The following ZC4H2 variants were observed in gnomAD, a reference collection of about 807,000 sequenced individuals.
ZC4H2 encodes zinc finger C4H2 domain-containing protein.
For missense variants in ZC4H2, 137 were observed against 173.9 expected (o/e 0.79, Z 1.19); for synonymous variants, 84 against 66.3 (o/e 1.27, Z -1.30).
At chrX:65,034,086 CAAA>C (rs768065058) in intron 1 of ZC4H2, among the ~76,000 whole-genome samples, 5 of 45,178 alleles carry the variant, frequency 1.1e-4, no homozygotes, top group African/African-American at 1.3e-4. Context: ...AAGACTTTGT[CAAA>C]AAAAAAAAAA....
chrX:64,934,039 C>T (rs778871009), intron 1 of ZC4H2, among the ~76,000 whole-genome samples: 1 of 111,889 alleles, frequency 8.9e-6, no homozygotes, highest in East Asian at 2.8e-4. Flanking sequence ...CTATCCAACT[C>T]ACAGCCTCAA....
At chrX:64,932,840 G>C (rs1047786764) in intron 1 of ZC4H2, among the ~76,000 whole-genome samples, 1 of 111,081 alleles carries the variant, frequency 9.0e-6, no homozygotes, top group African/African-American at 3.3e-5. Context: ...GTGCCTTAAT[G>C]ATGATTGTTT....
At chrX:64,951,653 T>C (rs1382206124) in intron 1 of ZC4H2, among the ~76,000 whole-genome samples, 2 of 111,622 alleles carry the variant, frequency 1.8e-5, no homozygotes, top group Admixed American at 9.5e-5. Flanking sequence ...GGGTTGTTTG[T>C]TTTTTCTTGT....
intron 1 of ZC4H2, among the ~76,000 whole-genome samples, chrX:65,033,123 C>G (rs1932957209): frequency 8.9e-6 from 1 of 111,941 alleles, no homozygotes; most frequent in African/African-American, 3.2e-5. Flanking sequence ...TCTTAAAGTT[C>G]TTACACATGG....
intron 1 of ZC4H2, among the ~76,000 whole-genome samples, chrX:65,003,647 A>G (rs1309089562): frequency 1.8e-5 from 2 of 110,766 alleles, no homozygotes; most frequent in Admixed American, 1.9e-4. Flanking sequence ...GGAGGCTGAA[A>G]TGGGCGAATC....
At chrX:64,979,571 G>A (rs1405011885), upstream of ZC4H2, among the ~76,000 whole-genome samples, 1 of 112,000 alleles carries the variant, frequency 8.9e-6, no homozygotes, top group Non-Finnish European at 1.9e-5. Flanking sequence ...GTGAGAGGAA[G>A]GAAAATGTTG....
chrX:64,970,968 G>GT (rs1569220293), intron 1 of ZC4H2, among the ~76,000 whole-genome samples: 1 of 111,901 alleles, frequency 8.9e-6, no homozygotes, highest in Non-Finnish European at 1.9e-5. Flanking sequence ...AAGAAATGAC[G>GT]TAAGTGAGAA....
In ZC4H2 at chrX:64,976,439, T is replaced by A; in HGVS notation, c.-62A>T. ...CAAATACACCAGCCAAGGGATACAA[T>A]AGACACAATGTAGCCACCTCCTCCG... On this transcript the variant is annotated 5_prime_UTR_variant, in exon 1 of 5. Transcript: ENST00000374839. 1 of 1,132,347 alleles carries A rather than the reference T, an allele frequency of 8.8e-7. No individual in the cohort carries two copies. Among genetic ancestry groups the A allele is most frequent in the Non-Finnish European group, 1.2e-6 (1 of 823,978 alleles). The allele number at this position is 1,132,347 out of a possible 1,213,427, so 93.3% of individuals were successfully genotyped here.
At chrX:64,995,257 T>C (rs1243123345) in intron 1 of ZC4H2, among the ~76,000 whole-genome samples, 1 of 111,895 alleles carries the variant, frequency 8.9e-6, no homozygotes, top group Non-Finnish European at 1.9e-5. Flanking sequence ...GAGTGGTTTA[T>C]AGTAGCTGAG....
chrX:65,034,143 G>T (rs1274929961), intron 1 of ZC4H2, among the ~76,000 whole-genome samples: 1 of 110,923 alleles, frequency 9.0e-6, no homozygotes, highest in Non-Finnish European at 1.9e-5. Context: ...CTTGGTGGTG[G>T]AGCAGAAATT....
intron 1 of ZC4H2, among the ~76,000 whole-genome samples, chrX:65,026,777 G>C: frequency 9.0e-6 from 1 of 111,553 alleles, no homozygotes; most frequent in Admixed American, 9.4e-5. Context: ...AAACAGGAAG[G>C]CAGGTGGGCT....
intron 1 of ZC4H2, among the ~76,000 whole-genome samples, chrX:64,951,988 G>C (rs1195611587): frequency 3.6e-5 from 4 of 111,370 alleles, no homozygotes; most frequent in Non-Finnish European, 7.5e-5. Context: ...TAAGGTATAA[G>C]GAAGGGATCC....
chrX:64,979,707 T>C (rs182342308), upstream of ZC4H2, among the ~76,000 whole-genome samples: 81 of 111,961 alleles, frequency 7.2e-4, no homozygotes, highest in African/African-American at 2.6e-3. Flanking sequence ...TAGCTCTCAA[T>C]TGATCAGAAG....
chrX:64,931,530 A>G (rs1929744474), intron 1 of ZC4H2, among the ~76,000 whole-genome samples: 1 of 111,708 alleles, frequency 9.0e-6, no homozygotes, highest in South Asian at 3.7e-4. Context: ...GCTGTATCCC[A>G]CAGGTTTTTG....
intron 1 of ZC4H2, among the ~76,000 whole-genome samples, chrX:64,941,582 A>G (rs1324587617): frequency 1.8e-5 from 2 of 112,190 alleles, no homozygotes; most frequent in African/African-American, 6.5e-5. Flanking sequence ...TACCTAGTTT[A>G]TGGAATGTTT....
At chrX:65,023,541 T>C (rs1409781166) in intron 1 of ZC4H2, among the ~76,000 whole-genome samples, 1 of 111,662 alleles carries the variant, frequency 9.0e-6, no homozygotes, top group Non-Finnish European at 1.9e-5. Flanking sequence ...GAAATGCAAA[T>C]CAAAACCACA....
chrX:64,931,235 T>G, intron 1 of ZC4H2, among the ~76,000 whole-genome samples: 1 of 112,099 alleles, frequency 8.9e-6, no homozygotes, highest in Non-Finnish European at 1.9e-5. Context: ...TTGAGTTCAT[T>G]TGGATCTTTT....
intron 1 of ZC4H2, among the ~76,000 whole-genome samples, chrX:64,928,356 C>T (rs1929524984): frequency 8.9e-6 from 1 of 111,874 alleles, no homozygotes; most frequent in Admixed American, 9.5e-5. Flanking sequence ...GCCAGTTTTC[C>T]CAACACCATT....
chrX:65,017,329 T>TAAA (rs2147289457), intron 1 of ZC4H2, among the ~76,000 whole-genome samples: 1 of 112,367 alleles, frequency 8.9e-6, no homozygotes, highest in Admixed American at 9.4e-5. Flanking sequence ...CTTGCTATTT[T>TAAA]ATTTCACACA....
Sources: allele counts gnomAD v4.1 joint callset (sites outside exome capture counted in the v4.1 genomes callset), GRCh38; gene constraint gnomAD v4.1.1; transcripts MANE v1.5; gene names NCBI Gene and HGNC (gene_info 2026-07-23, HGNC 2026-07-21).